Variants in OTUD7A observed in about 807,000 individuals in gnomAD.
The protein encoded by OTUD7A is OTU deubiquitinase 7A, also known as OTU domain-containing protein 7A.
OTUD7A carries 12 observed loss-of-function variants against 65.7 expected under a neutral mutation model. The observed-to-expected ratio is 0.18, with a 90% CI of 0.12 to 0.30. The LOEUF is 0.30. Ranked by LOEUF, OTUD7A falls within the 10% of genes least tolerant of loss-of-function variation. OTUD7A has a pLI of 1.00. For missense variants in OTUD7A, 1,148 were observed against 1,304.8 expected (o/e 0.88, Z 1.85); for synonymous variants, 641 against 586.3 (o/e 1.09, Z -1.35).
At chr15:31,503,424 C>T (rs1026297558) in intron 9 of OTUD7A, among the ~76,000 whole-genome samples, 1 of 152,216 alleles carries the variant, frequency 6.6e-6, no homozygotes, top group Non-Finnish European at 1.5e-5. Flanking sequence ...AGGCACACGA[C>T]AGGAGACAGG....
chr15:31,504,837 C>G (rs575688162), intron 8 of OTUD7A, among the ~76,000 whole-genome samples: 2 of 152,240 alleles, frequency 1.3e-5, no homozygotes, highest in East Asian at 3.9e-4. Context: ...ATTACCATCA[C>G]CTGTGGAATT....
intron 1 of OTUD7A, among the ~76,000 whole-genome samples, chr15:31,696,273 C>T (rs1378068163): frequency 2.9e-5 from 4 of 137,086 alleles, no homozygotes; most frequent in East Asian, 2.6e-4. Context: ...AGGCCAGAAG[C>T]GCATTTTGAG....
At chr15:31,718,206 T>C (rs1191902301) in intron 1 of OTUD7A, among the ~76,000 whole-genome samples, 9 of 152,226 alleles carry the variant, frequency 5.9e-5, no homozygotes, top group Non-Finnish European at 1.5e-5. Flanking sequence ...CACCCCTAAA[T>C]AGTTACTATT....
intron 1 of OTUD7A, among the ~76,000 whole-genome samples, chr15:31,760,232 C>T (rs1190158587): frequency 6.6e-6 from 1 of 152,128 alleles, no homozygotes; most frequent in Non-Finnish European, 1.5e-5. Context: ...GGATGCTACC[C>T]TCCTCACCTG....
chr15:31,821,582 A>T (rs767262198), intron 1 of OTUD7A, among the ~76,000 whole-genome samples: 3 of 152,138 alleles, frequency 2.0e-5, no homozygotes, highest in Non-Finnish European at 4.4e-5. Context: ...AATGATAATA[A>T]ACACTCATGT....
In OTUD7A at chr15:31,842,903, A is replaced by AT. The variant is rs538838390; in HGVS notation, c.-100+27603dup. On this transcript the variant is annotated intron_variant, in intron 1 of 12. Transcript: ENST00000307050. Reference sequence around the variant, plus strand: ...CAAAAACCCCAAATGCCAGTGTGACATGCATCCTAATTAATGCTCTCGGTT... The same window carrying AT: ...CAAAAACCCCAAATGCCAGTGTGACATTGCATCCTAATTAATGCTCTCGGTT... 2.6e-5 allele frequency among the ~76,000 whole-genome samples: 4 copies of AT among 152,270 alleles called. No homozygotes were observed. The East Asian group carries it at 7.7e-4, about 29-fold the overall frequency.
intron 1 of OTUD7A, among the ~76,000 whole-genome samples, chr15:31,676,478 A>C (rs1319094076): frequency 6.6e-6 from 1 of 152,252 alleles, no homozygotes; most frequent in East Asian, 1.9e-4. Flanking sequence ...ATGCAACAGG[A>C]AATCTGCTAG....
rs189947946 is a variant in OTUD7A, at chr15:31,506,213, G to A, written c.894-2395C>T. Among the ~76,000 whole-genome samples the A allele has an allele frequency of 4.3e-3, 642 of 149,444 alleles. 4 individuals are homozygous for A. The highest frequency in any genetic ancestry group is 7.1e-3 in the Non-Finnish European group (482 of 67,542). On this transcript the variant is annotated intron_variant, in intron 8 of 12. Coordinates refer to ENST00000307050, the MANE Select transcript of OTUD7A (RefSeq NM_001382637.1). ...AGGTACAATATTGAGTTTTAATTAT[G>A]ACTTTTTTTTTTTGCTGATATTATA... is the stretch of plus-strand genomic sequence containing the variant.
In OTUD7A at chr15:31,804,976, T is replaced by C. The variant is rs559547578; in HGVS notation, c.-100+65531A>G. ...CATCATAATTGTCCCAGGCACCGTG[T>C]TGAAAGGCAAGGAAGAAGACAGGCA... On this transcript the variant is annotated intron_variant, in intron 1 of 12. Coordinates refer to ENST00000307050, the MANE Select transcript of OTUD7A (RefSeq NM_001382637.1). 9.2e-5 allele frequency among the ~76,000 whole-genome samples: 14 copies of C among 152,264 alleles called. No homozygotes were observed. The South Asian group carries it at 2.9e-3, about 32-fold the overall frequency.
chr15:31,716,881 G>A (rs1196691041), intron 1 of OTUD7A, among the ~76,000 whole-genome samples: 1 of 152,196 alleles, frequency 6.6e-6, no homozygotes, highest in Non-Finnish European at 1.5e-5. Context: ...CTGTGGGGCC[G>A]TCACACATCC....
intron 6 of OTUD7A, among the ~76,000 whole-genome samples, chr15:31,528,518 T>C (rs2042045214): frequency 6.6e-6 from 1 of 152,248 alleles, no homozygotes; most frequent in South Asian, 2.1e-4. Flanking sequence ...GGATATGCAA[T>C]AGCCCAGGCC....
intron 1 of OTUD7A, among the ~76,000 whole-genome samples, chr15:31,814,074 C>T (rs913570263): frequency 3.3e-5 from 5 of 152,214 alleles, no homozygotes; most frequent in African/African-American, 9.7e-5. Context: ...ATAGACCAGC[C>T]GAAACCCTAG....
chr15:31,546,331 C>A (rs73372540), intron 5 of OTUD7A, among the ~76,000 whole-genome samples: 4,205 of 152,270 alleles, frequency 0.028, 195 homozygotes, highest in African/African-American at 0.095. Context: ...GTGTCCCCTC[C>A]AAATTCACAT....
intron 1 of OTUD7A, among the ~76,000 whole-genome samples, chr15:31,782,552 C>T (rs1895568084): frequency 6.6e-6 from 1 of 152,128 alleles, no homozygotes; most frequent in Non-Finnish European, 1.5e-5. Flanking sequence ...GACAGCCACA[C>T]CCAGGGGCAC....
At chr15:31,647,275 G>T (rs1595682817) in intron 3 of OTUD7A, among the ~76,000 whole-genome samples, 2 of 152,164 alleles carry the variant, frequency 1.3e-5, no homozygotes, top group East Asian at 1.9e-4. Flanking sequence ...TGTGGGATTT[G>T]CCCATGGCAG....
At chr15:31,864,845 T>C (rs1019614158) in intron 1 of OTUD7A, among the ~76,000 whole-genome samples, 2 of 152,112 alleles carry the variant, frequency 1.3e-5, no homozygotes, top group Admixed American at 6.5e-5. Context: ...GTGCAAACTA[T>C]GACTACATCA....
At chr15:31,485,168 A>G (rs1178807282) in intron 12 of OTUD7A, among the ~76,000 whole-genome samples, 5 of 152,198 alleles carry the variant, frequency 3.3e-5, no homozygotes, top group African/African-American at 1.2e-4. Flanking sequence ...CTGCTTGACC[A>G]GACACAGGTC....
At chr15:31,553,616 C>T (rs888968449) in intron 5 of OTUD7A, among the ~76,000 whole-genome samples, 6 of 151,826 alleles carry the variant, frequency 4.0e-5, no homozygotes, top group Admixed American at 3.3e-4. Flanking sequence ...CCTCAGGCAA[C>T]ATTATCTACC....
At chr15:31,833,832 C>G (rs1896991625) in intron 1 of OTUD7A, among the ~76,000 whole-genome samples, 1 of 152,180 alleles carries the variant, frequency 6.6e-6, no homozygotes, top group Non-Finnish European at 1.5e-5. Flanking sequence ...TGGTAGAAAT[C>G]TGAGAATCCA....
Sources: gnomAD v4.1 joint callset for allele counts (sites outside exome capture counted in the v4.1 genomes callset) on GRCh38, gnomAD v4.1.1 for gene constraint, MANE v1.5 for transcripts, NCBI Gene and HGNC (gene_info 2026-07-23, HGNC 2026-07-21) for gene names.